The following ARSB variants were observed in gnomAD, a reference collection of about 807,000 sequenced individuals.
ARSB encodes the protein arylsulfatase B, also known as N-acetylgalactosamine-4-sulfatase.
In ARSB, 41 loss-of-function variants were observed where a neutral mutation model predicts 50.9. That is an observed-to-expected ratio of 0.81 (90% CI 0.63 to 1.04). The LOEUF (loss-of-function observed/expected upper bound fraction) is 1.04, where lower values mean the gene tolerates loss of function less well. Ranked by LOEUF, ARSB falls within the 50% of genes least tolerant of loss-of-function variation. The pLI is 0.00. For synonymous variants in ARSB, 269 were observed against 284.8 expected (o/e 0.94, Z 0.56); for missense variants, 672 against 693.3 (o/e 0.97, Z 0.35).
chr5:78,790,202 C>T (rs546772251), intron 6 of ARSB, among the ~76,000 whole-genome samples: 25 of 152,234 alleles, frequency 1.6e-4, no homozygotes, highest in African/African-American at 5.3e-4. Flanking sequence ...ACCAGCCCTT[C>T]TCCAGGAGGC....
intron 3 of ARSB, among the ~76,000 whole-genome samples, chr5:78,961,710 T>G (rs1430623960): frequency 6.6e-6 from 1 of 152,084 alleles, no homozygotes; most frequent in Admixed American, 6.5e-5. Flanking sequence ...CAGATTACAG[T>G]TGTTGCACAG....
chr5:78,949,007 C>A (rs77055997), intron 4 of ARSB, among the ~76,000 whole-genome samples: 1,620 of 152,194 alleles, frequency 0.011, 35 homozygotes, highest in African/African-American at 0.037. Context: ...ATGAAATTAG[C>A]CATTTTAAAG....
At chr5:78,852,017 T>C (rs1448604498) in intron 5 of ARSB, among the ~76,000 whole-genome samples, 2 of 152,220 alleles carry the variant, frequency 1.3e-5, no homozygotes, top group African/African-American at 4.8e-5. Flanking sequence ...TTTATCCAAT[T>C]TGCCAGTCTG....
chr5:78,820,056 G>C (rs1744148904), intron 6 of ARSB, among the ~76,000 whole-genome samples: 1 of 152,208 alleles, frequency 6.6e-6, no homozygotes, highest in African/African-American at 2.4e-5. Context: ...ACCTGAGGAA[G>C]AGAGTTCTTC....
intron 6 of ARSB, among the ~76,000 whole-genome samples, chr5:78,787,873 A>G (rs1157526926): frequency 6.6e-6 from 1 of 152,142 alleles, no homozygotes; most frequent in Non-Finnish European, 1.5e-5. Context: ...CACCACCCGC[A>G]ATGCAGTGAT....
intron 6 of ARSB, among the ~76,000 whole-genome samples, chr5:78,803,012 A>G (rs1466606836): frequency 6.6e-6 from 1 of 152,240 alleles, no homozygotes; most frequent in Non-Finnish European, 1.5e-5. Context: ...TGCAGGGATT[A>G]AAGAGAAGGG....
chr5:78,985,066 G>A lies in ARSB; in HGVS notation c.183C>T (p.Gly61=). The change falls in exon 1 of 8, where the codon GGC becomes GGT. Residue 61 remains glycine, a synonymous_variant. Transcript: ENST00000264914. ...GCGTGCGGATGCGGGAGCCGTGGAA[G>A]CCGACGTCGTTCCAGCCTAGGTCGT... is the stretch of plus-strand genomic sequence containing the variant. ...LADDLGWNDV[G]FHGSRIRTPH... is the part of the protein sequence containing the mutation. 1 of 1,544,054 alleles carries A rather than the reference G, an allele frequency of 6.5e-7. No homozygotes were observed. Among genetic ancestry groups the A allele is most frequent in the Non-Finnish European group, 8.7e-7 (1 of 1,147,284 alleles).
intron 5 of ARSB, among the ~76,000 whole-genome samples, chr5:78,863,797 A>G (rs1336623222): frequency 2.0e-5 from 3 of 152,086 alleles, no homozygotes; most frequent in African/African-American, 4.8e-5. Flanking sequence ...TAGTCTTTGC[A>G]TGCAGGGCTA....
At chr5:78,850,946 C>T (rs1326671644) in intron 5 of ARSB, among the ~76,000 whole-genome samples, 1 of 152,162 alleles carries the variant, frequency 6.6e-6, no homozygotes, top group Non-Finnish European at 1.5e-5. Context: ...TGATTCTTCT[C>T]TCTTTTCTTC....
rs1339128409 is a variant in ARSB, at chr5:78,779,506, C to T, written c.*891G>A. The T allele has an allele frequency of 6.6e-6, 1 of 152,230 alleles. No individual in the cohort carries two copies. Among genetic ancestry groups the T allele is most frequent in the African/African-American group, 2.4e-5 (1 of 41,440 alleles). 9.4% of individuals were successfully genotyped at this position (152,230 alleles called of 1,614,324 possible). A position where few individuals can be genotyped will look rare whatever the true frequency, so the allele number is the denominator to read the frequency against. On this transcript the variant is annotated 3_prime_UTR_variant, in exon 8 of 8. Transcript: ENST00000264914. ...CAGATGCCACAGAGCCAAGCATCTCCCACCCAGCCCTCTTAGTGTCTACCA... is the reference window on the plus strand; with the variant it reads ...CAGATGCCACAGAGCCAAGCATCTCTCACCCAGCCCTCTTAGTGTCTACCA...
In ARSB at chr5:78,985,133, G is replaced by T; in HGVS notation, c.116C>A (p.Ala39Asp). The change falls in exon 1 of 8, where the codon GCC becomes GAC. Residue 39 changes from alanine to aspartate, a missense_variant. Transcript: ENST00000264914. ...LLLLAPPGSG[A>D]GASRPPHLVF... ...CAGGTGGGGCGGCCGGCTGGCCCCG[G>T]CGCCCGAGCCCGGCGGCGCCAACAA... 1 of 1,469,344 alleles carries T rather than the reference G, an allele frequency of 6.8e-7. No individual in the cohort carries two copies. Among genetic ancestry groups the T allele is most frequent in the Non-Finnish European group, 9.0e-7 (1 of 1,109,448 alleles). The allele number at this position is 1,469,344 out of a possible 1,614,324, so 91.0% of individuals were successfully genotyped here.
At chr5:78,842,364 C>A (rs542743523) in intron 5 of ARSB, among the ~76,000 whole-genome samples, 2 of 152,234 alleles carry the variant, frequency 1.3e-5, no homozygotes, top group Non-Finnish European at 2.9e-5. Flanking sequence ...TTTGAAAAGA[C>A]CAGTAAATGG....
intron 4 of ARSB, among the ~76,000 whole-genome samples, chr5:78,913,070 C>T (rs567565622): frequency 1.3e-5 from 2 of 151,408 alleles, no homozygotes; most frequent in Admixed American, 6.6e-5. Flanking sequence ...CTATCCCTAA[C>T]AGCCAAAAAC....
intron 4 of ARSB, among the ~76,000 whole-genome samples, chr5:78,941,672 G>A (rs1750932318): frequency 6.6e-6 from 1 of 152,114 alleles, no homozygotes; most frequent in Admixed American, 6.5e-5. Flanking sequence ...TGTGCTGCTG[G>A]ATTTGGTTTG....
At chr5:78,835,934 T>C (rs1272306273) in intron 6 of ARSB, among the ~76,000 whole-genome samples, 1 of 152,160 alleles carries the variant, frequency 6.6e-6, no homozygotes, top group African/African-American at 2.4e-5. Context: ...CAGAAATGCT[T>C]CTGTGATAAC....
intron 4 of ARSB, among the ~76,000 whole-genome samples, chr5:78,892,414 C>T (rs1748353925): frequency 6.6e-6 from 1 of 152,130 alleles, no homozygotes; most frequent in Admixed American, 6.5e-5. Context: ...CACCACCATG[C>T]CCAGCTAATT....
intron 6 of ARSB, among the ~76,000 whole-genome samples, chr5:78,827,756 G>A (rs1312669010): frequency 6.6e-6 from 1 of 152,192 alleles, no homozygotes; most frequent in East Asian, 1.9e-4. Flanking sequence ...ATAATTGGGA[G>A]AGAAATGGCT....
At chr5:78,851,810 T>A (rs1012943346) in intron 5 of ARSB, among the ~76,000 whole-genome samples, 1 of 152,322 alleles carries the variant, frequency 6.6e-6, no homozygotes, top group African/African-American at 2.4e-5. Context: ...TTTACCATTA[T>A]GTAATGGCCT....
rs148180295 is a variant in ARSB at position 78,786,745 on chromosome 5, G to C, written c.1214-4771C>G. Reference sequence around the variant, plus strand: ...AGCGATCCTCTCACCTTAGCCTCCAGAATAGCGGGGACTACAGGCACATGC... The same window carrying C: ...AGCGATCCTCTCACCTTAGCCTCCACAATAGCGGGGACTACAGGCACATGC... On this transcript the variant is annotated intron_variant, in intron 6 of 7. Coordinates refer to ENST00000264914, the MANE Select transcript of ARSB (RefSeq NM_000046.5). Among the ~76,000 whole-genome samples the C allele has an allele frequency of 3.1e-3, 465 of 152,266 alleles. 2 individuals are homozygous for C. Among genetic ancestry groups the C allele is most frequent in the African/African-American group, 0.011 (446 of 41,544 alleles).
Sources: allele counts gnomAD v4.1 joint callset (sites outside exome capture counted in the v4.1 genomes callset), GRCh38; gene constraint gnomAD v4.1.1; transcripts MANE v1.5; gene names NCBI Gene and HGNC (gene_info 2026-07-23, HGNC 2026-07-21).